FMNL3: variants seen among roughly 807,000 people sequenced by gnomAD.
The protein encoded by FMNL3 is formin like 3.
FMNL3 carries 57 observed loss-of-function variants against 119.6 expected under a neutral mutation model. That is an observed-to-expected ratio of 0.48 (90% confidence interval 0.39 to 0.59). The LOEUF is 0.59. Among genes scored for constraint, FMNL3 ranks in the 20% least tolerant of loss-of-function variants. The pLI, the probability that FMNL3 is intolerant of heterozygous loss-of-function variation, is 0.00. For missense variants in FMNL3, 1,053 were observed against 1,323.5 expected, an observed-to-expected ratio of 0.80 and a Z score of 3.17; for synonymous variants, 491 against 507.3, an observed-to-expected ratio of 0.97 and a Z score of 0.43.
In FMNL3 at chr12:49,647,031, G is replaced by A. The variant is rs1412701329; in HGVS notation, c.2872-22C>T. 5.0e-6 allele frequency: 8 copies of A among 1,613,678 alleles called. No individual in the cohort carries two copies. Among genetic ancestry groups the A allele is most frequent in the Non-Finnish European group, 6.8e-6 (8 of 1,179,824 alleles). Reference sequence around the variant, plus strand: ...GGGTCTAGGGCCAAGAATGTGGAGGGGAAGGAAGTCATCACTAACCTAATG... The same window carrying A: ...GGGTCTAGGGCCAAGAATGTGGAGGAGAAGGAAGTCATCACTAACCTAATG... On this transcript the variant is annotated intron_variant, in intron 24 of 25. Coordinates refer to ENST00000335154, the MANE Select transcript of FMNL3 (RefSeq NM_175736.5). This position sits in a 1 kb window ranked among gnomAD's most constrained non-coding sequence, Gnocchi z 4.9.
chr12:49,663,874 T>C (rs1223858155), intron 4 of FMNL3, among the ~76,000 whole-genome samples: 1 of 152,178 alleles, frequency 6.6e-6, no homozygotes, highest in Admixed American at 6.5e-5. Flanking sequence ...GGCTCCACTT[T>C]GGGATCCTCA....
chr12:49,644,062 G>A lies in FMNL3; in HGVS notation c.*1753C>T, dbSNP rs1011618467. 1.9e-6 allele frequency: 3 copies of A among 1,614,094 alleles called. No homozygotes were observed. Among genetic ancestry groups the A allele is most frequent in the African/African-American group, 1.3e-5 (1 of 74,936 alleles). ...GCTGGTCAAGCTTCCACGGCCCTTAGTGCAGGCTAAGGGTGAACTGTGCCT... is the reference window on the plus strand; with the variant it reads ...GCTGGTCAAGCTTCCACGGCCCTTAATGCAGGCTAAGGGTGAACTGTGCCT... On this transcript the variant is annotated 3_prime_UTR_variant, in exon 26 of 26. Transcript: ENST00000335154.
Position 49,647,558 on chromosome 12 carries a change from C to T in FMNL3, c.2778+145G>A. 1.1e-6 allele frequency: 1 copy of T among 902,540 alleles called. No individual in the cohort carries two copies. Among genetic ancestry groups the T allele is most frequent in the Non-Finnish European group, 1.7e-6 (1 of 578,434 alleles). The allele number at this position is 902,540 out of a possible 1,614,324, so 55.9% of individuals were successfully genotyped here. On this transcript the variant is annotated intron_variant, in intron 23 of 25. Transcript: ENST00000335154. The surrounding 1 kb of genome is among the most constrained non-coding windows in gnomAD (Gnocchi z 4.9). ...CCCCACCCTGCCCACCAGTTCACAGCTAAGAGGCCTGTCACCAGCTTGCAT... is the reference window on the plus strand; with the variant it reads ...CCCCACCCTGCCCACCAGTTCACAGTTAAGAGGCCTGTCACCAGCTTGCAT...
chr12:49,674,294 A>G (rs998539786), intron 1 of FMNL3, among the ~76,000 whole-genome samples: 1 of 152,256 alleles, frequency 6.6e-6, no homozygotes, highest in Non-Finnish European at 1.5e-5. Flanking sequence ...AGAACAGTCA[A>G]TAACACTTGG....
chr12:49,704,740 GCTAAT>G (rs1041418045), intron 1 of FMNL3, among the ~76,000 whole-genome samples: 2 of 135,938 alleles, frequency 1.5e-5, no homozygotes, highest in African/African-American at 5.6e-5. Context: ...AAAAAAAGAA[GCTAAT>G]CTATAATCTA....
chr12:49,690,687 C>T (rs12317646), intron 1 of FMNL3, among the ~76,000 whole-genome samples: 32,492 of 152,152 alleles, frequency 0.21, 5,788 homozygotes, highest in African/African-American at 0.5. Context: ...AGAACTTGTT[C>T]GGTAAACTTT....
chr12:49,638,021 A>T lies in FMNL3; in HGVS notation c.*7794T>A. On this transcript the variant is annotated 3_prime_UTR_variant, in exon 26 of 26. Transcript: ENST00000335154. Reference sequence around the variant, plus strand: ...CCACAGGAGCTCATGGTCTAATAGGAAGATATACATGAGAACTGTTATACA... The same window carrying T: ...CCACAGGAGCTCATGGTCTAATAGGTAGATATACATGAGAACTGTTATACA... 1 of 578,232 alleles carries T rather than the reference A, an allele frequency of 1.7e-6. No individual in the cohort carries two copies. The highest frequency in any genetic ancestry group is 3.1e-6 in the Non-Finnish European group (1 of 324,064). 35.8% of individuals were successfully genotyped at this position (578,232 alleles called of 1,614,324 possible). A position where few individuals can be genotyped will look rare whatever the true frequency, so the allele number is the denominator to read the frequency against.
chr12:49,707,002 C>T, intron 1 of FMNL3, 53 bp downstream of exon 1: 1 of 1,540,710 alleles, frequency 6.5e-7, no homozygotes, highest in Non-Finnish European at 8.8e-7. Context: ...CCAGCCCGGG[C>T]GTCGGGACCT....
rs1274377435 is a variant in FMNL3, at chr12:49,653,235, C to G, written c.1314G>C (p.Glu438Asp). 1.2e-5 allele frequency: 20 copies of G among 1,614,016 alleles called. No individual in the cohort carries two copies. The highest frequency in any genetic ancestry group is 1.7e-5 in the Non-Finnish European group (20 of 1,180,036). The change falls in exon 13 of 26, where the codon GAG becomes GAC. Residue 438 changes from glutamate (E) to aspartate (D), a missense_variant. By Grantham distance (45) the Glu-to-Asp change is conservative. This residue lies in a region of FMNL3 where 445 missense variants were observed against 628.4 expected (regional missense o/e 0.71). Transcript: ENST00000335154. ...CCCAGAGTACTTGTACCTTGATGCT[C>G]TCTAGTTCCTTCTCCCGCTGTAGCA... Reference protein sequence around the residue: ...KQLLQREKELESIKETYENTS... With the variant: ...KQLLQREKELDSIKETYENTS...
chr12:49,705,739 A>G (rs1228891009), intron 1 of FMNL3, among the ~76,000 whole-genome samples: 1 of 152,224 alleles, frequency 6.6e-6, no homozygotes, highest in Admixed American at 6.5e-5. Context: ...TGTATGGCCC[A>G]CATCCCTTTG....
chr12:49,706,976 G>T, intron 1 of FMNL3, 79 bp downstream of exon 1: 1 of 1,467,188 alleles, frequency 6.8e-7, no homozygotes, highest in Non-Finnish European at 9.2e-7. Flanking sequence ...GCGGGACGGG[G>T]GCCCAGCACA....
chr12:49,691,851 T>A (rs1944611457), intron 1 of FMNL3, among the ~76,000 whole-genome samples: 1 of 151,806 alleles, frequency 6.6e-6, no homozygotes, highest in African/African-American at 2.4e-5. Context: ...CTGGCCAACA[T>A]GGTGAAACCC....
At position 49,657,009 on chromosome 12, in the gene FMNL3, C is replaced by T. The variant is rs536835917; in HGVS notation, c.714+73G>A. On this transcript the variant is annotated intron_variant, in intron 7 of 25. Coordinates refer to ENST00000335154, the MANE Select transcript of FMNL3 (RefSeq NM_175736.5). ...CAAACCTGTCTTTTATAAGCTGATG[C>T]CCTCCTAGCTCTCCTGGTTTTGCAG... 114 of 1,550,138 alleles carry T rather than the reference C, an allele frequency of 7.4e-5. No individual in the cohort carries two copies. In the East Asian group the frequency reaches 2.4e-3, roughly 33 times the overall value.
In FMNL3 at chr12:49,649,862, C is replaced by G. The variant is rs754270100; in HGVS notation, c.2064G>C (p.Glu688Asp). The stretch of plus-strand genomic sequence containing the variant: ...ATTGCCGCAGCAGCTTTACCTCAGC[C>G]TCTGTGGGCAGGAAGCGCATCAGGC... The part of the protein sequence containing the change: ...VECLMRFLPT[E>D]AEVKLLRQYE... The change falls in exon 18 of 26, where the codon GAG (glutamate) becomes GAC (aspartate). Residue 688 changes from glutamate (E) to aspartate (D), a missense_variant. By Grantham distance (45) the Glu-to-Asp change is conservative (BLOSUM62 2). Transcript: ENST00000335154. The surrounding 1 kb of genome is among the most constrained non-coding windows in gnomAD (Gnocchi z 5.6). 5.6e-6 allele frequency: 9 copies of G among 1,614,058 alleles called. No individual in the cohort carries two copies. The South Asian group carries it at 7.7e-5, about 14-fold the overall frequency.
chr12:49,706,625 G>A (rs1185134826), intron 1 of FMNL3, among the ~76,000 whole-genome samples: 4 of 152,196 alleles, frequency 2.6e-5, no homozygotes, highest in African/African-American at 9.7e-5. Context: ...TCGCAGGAGA[G>A]GCGGTGTCCC....
chr12:49,672,912 T>A (rs1944084339), intron 1 of FMNL3, among the ~76,000 whole-genome samples: 1 of 152,166 alleles, frequency 6.6e-6, no homozygotes, highest in Admixed American at 6.5e-5. Context: ...TGATAAATCT[T>A]AGGAACAGAG....
Position 49,652,139 on chromosome 12 carries a change from T to C in FMNL3, c.1397A>G (p.Gln466Arg). 6.2e-7 allele frequency: 1 copy of C among 1,613,318 alleles called. No homozygotes were observed. Among genetic ancestry groups the C allele is most frequent in the Non-Finnish European group, 8.5e-7 (1 of 1,179,742 alleles). ...RLIKEKEEAF[Q>R]RRCHLEPNVR... ...ATTTGGCTCCAAATGACATCGACGC[T>C]GAAAGGCCTCCTCCTTCTCTTTAAT... The change falls in exon 14 of 26, where the codon CAG becomes CGG. Residue 466 changes from glutamine to arginine, a missense_variant. This residue lies in a region of FMNL3 where 445 missense variants were observed against 628.4 expected (regional missense o/e 0.71). Transcript: ENST00000335154.
rs1325767496 is a variant in FMNL3, at chr12:49,643,342, T to G, written c.*2473A>C. On this transcript the variant is annotated 3_prime_UTR_variant, in exon 26 of 26. Coordinates refer to ENST00000335154, the MANE Select transcript of FMNL3 (RefSeq NM_175736.5). ...CTTCCTCACTTGATTCAGTTGAAAG[T>G]GGGGGTGCTGCCCTTGGAGGACGGG... 1.2e-6 allele frequency: 2 copies of G among 1,605,172 alleles called. No individual in the cohort carries two copies. Among genetic ancestry groups the G allele is most frequent in the East Asian group, 2.2e-5 (1 of 44,788 alleles).
Position 49,644,038 on chromosome 12 carries a change from C to G in FMNL3, c.*1777G>C, listed in dbSNP as rs1189603999. On this transcript the variant is annotated 3_prime_UTR_variant, in exon 26 of 26. Transcript: ENST00000335154. ...CAGGGGCCCTAGGCCAGTCAGCACGCTGGTCAAGCTTCCACGGCCCTTAGT... is the reference window on the plus strand; with the variant it reads ...CAGGGGCCCTAGGCCAGTCAGCACGGTGGTCAAGCTTCCACGGCCCTTAGT... 1 of 1,614,148 alleles carries G rather than the reference C, an allele frequency of 6.2e-7. No homozygotes were observed. Among genetic ancestry groups the G allele is most frequent in the Non-Finnish European group, 8.5e-7 (1 of 1,180,000 alleles).
Sources: gnomAD v4.1 joint callset for allele counts (sites outside exome capture counted in the v4.1 genomes callset) on GRCh38, gnomAD v4.1.1 for gene constraint, gnomAD v4.1.1 regional missense constraint, Gnocchi (gnomAD v3.1) non-coding constraint, MANE v1.5 for transcripts, NCBI Gene and HGNC (gene_info 2026-07-23, HGNC 2026-07-21) for gene names.